JAZF1: variants seen among roughly 807,000 people sequenced by gnomAD.
The protein encoded by JAZF1 is JAZF zinc finger 1.
A neutral mutation model predicts 26.4 loss-of-function variants in JAZF1; 8 were observed. That is an observed-to-expected ratio of 0.30 (90% CI 0.18 to 0.55). The LOEUF (loss-of-function observed/expected upper bound fraction) is 0.55. Among genes scored for constraint, JAZF1 ranks in the 20% least tolerant of loss-of-function variants. The probability of loss-of-function intolerance (pLI) is 0.94; values close to 1 mark genes in which losing one functional copy is unlikely to be tolerated. For missense variants in JAZF1, 199 were observed against 322.0 expected, an observed-to-expected ratio of 0.62 and a Z score of 2.92; for synonymous variants, 126 against 122.3, an observed-to-expected ratio of 1.03 and a Z score of -0.20.
intron 1 of JAZF1, among the ~76,000 whole-genome samples, chr7:28,079,574 G>GT (rs1396857821): frequency 6.6e-6 from 1 of 152,140 alleles, no homozygotes; most frequent in Admixed American, 6.5e-5. Flanking sequence ...TGACCTGAGA[G>GT]TTTACCCATA....
chr7:27,944,725 T>C (rs1784900704), intron 2 of JAZF1, among the ~76,000 whole-genome samples: 2 of 152,204 alleles, frequency 1.3e-5, no homozygotes, highest in Non-Finnish European at 2.9e-5. Context: ...TGCTGCCACT[T>C]GCCTGAAGCT....
At chr7:27,865,774 T>G (rs1317152513) in intron 3 of JAZF1, among the ~76,000 whole-genome samples, 2 of 151,986 alleles carry the variant, frequency 1.3e-5, no homozygotes, top group Non-Finnish European at 2.9e-5. Flanking sequence ...AGGGCCCAAG[T>G]AGAAGGGAGC....
rs1444096194 is a variant in JAZF1 at position 27,976,311 on chromosome 7, C to T, written c.188+15598G>A. 1.4e-5 allele frequency among the ~76,000 whole-genome samples: 2 copies of T among 141,852 alleles called. 1 individual carries two copies. Among genetic ancestry groups the T allele is most frequent in the Admixed American group, 1.5e-4 (2 of 13,452 alleles). 93.1% of individuals were successfully genotyped at this position (141,852 alleles called of 152,430 possible). On this transcript the variant is annotated intron_variant, in intron 2 of 4. Coordinates refer to ENST00000283928, the MANE Select transcript of JAZF1 (RefSeq NM_175061.4). ...CAGTGAGCCGAGAAGCGCCACTGCA[C>T]TCCAGCCTGGGCAACAGAGCCAGAC...
intron 1 of JAZF1, among the ~76,000 whole-genome samples, chr7:28,149,450 G>A (rs1783075051): frequency 6.6e-6 from 1 of 152,018 alleles, no homozygotes. Context: ...GAAAGGCCTG[G>A]GTCAAACTCA....
At chr7:27,847,072 C>A (rs565930857) in intron 3 of JAZF1, among the ~76,000 whole-genome samples, 145 of 152,036 alleles carry the variant, frequency 9.5e-4, no homozygotes, top group African/African-American at 3.4e-3. Context: ...TGGGTTCAAG[C>A]GATTTTCCTG....
chr7:28,039,386 AAGTC>A (rs1783351104), intron 1 of JAZF1, among the ~76,000 whole-genome samples: 1 of 152,196 alleles, frequency 6.6e-6, no homozygotes, highest in Non-Finnish European at 1.5e-5. Context: ...GAAGAAGAAA[AAGTC>A]AGAAAGAAGT....
intron 1 of JAZF1, among the ~76,000 whole-genome samples, chr7:28,069,725 A>G (rs1403195245): frequency 6.6e-6 from 1 of 152,182 alleles, no homozygotes; most frequent in Non-Finnish European, 1.5e-5. Context: ...AGAGGCCTTT[A>G]GCTTTAGAGT....
chr7:27,972,211 C>T (rs1785385406), intron 2 of JAZF1, among the ~76,000 whole-genome samples: 1 of 152,154 alleles, frequency 6.6e-6, no homozygotes, highest in South Asian at 2.1e-4. Flanking sequence ...AGAGTAAGGG[C>T]ACAGAGAGGG....
At chr7:28,147,181 G>A (rs1783040817) in intron 1 of JAZF1, among the ~76,000 whole-genome samples, 1 of 151,798 alleles carries the variant, frequency 6.6e-6, no homozygotes, top group Non-Finnish European at 1.5e-5. Context: ...TGGGATATTT[G>A]CATTATACTT....
intron 1 of JAZF1, among the ~76,000 whole-genome samples, chr7:28,163,791 T>C (rs75627871): frequency 0.057 from 8,638 of 152,242 alleles, 746 homozygotes; most frequent in African/African-American, 0.19. Flanking sequence ...AAGAGTACCG[T>C]GGTCACTTTA....
intron 1 of JAZF1, among the ~76,000 whole-genome samples, chr7:27,994,454 A>AG (rs1271954603): frequency 2.9e-5 from 1 of 34,096 alleles, no homozygotes; most frequent in Non-Finnish European, 6.5e-5. Context: ...AAAAAAAAAA[A>AG]CAAAAAACAA....
In JAZF1 at chr7:27,897,868, G is replaced by A. The variant is rs556988069; in HGVS notation, c.189-2452C>T. 4.6e-5 allele frequency among the ~76,000 whole-genome samples: 7 copies of A among 152,292 alleles called. No individual in the cohort carries two copies. The East Asian group carries it at 1.4e-3, about 29-fold the overall frequency. ...CCTCCATCCTCTGAACAGACCCAGT[G>A]CCCTATGTGGCCCACGGTCATCTGT... On this transcript the variant is annotated intron_variant, in intron 2 of 4. Coordinates refer to ENST00000283928, the MANE Select transcript of JAZF1 (RefSeq NM_175061.4).
intron 3 of JAZF1, among the ~76,000 whole-genome samples, chr7:27,870,472 T>C (rs1313541701): frequency 6.6e-6 from 1 of 152,164 alleles, no homozygotes; most frequent in Non-Finnish European, 1.5e-5. Context: ...CATCAGTACA[T>C]ACTTTCTGAT....
intron 1 of JAZF1, among the ~76,000 whole-genome samples, chr7:28,011,134 C>A (rs1480942311): frequency 6.6e-6 from 1 of 152,038 alleles, no homozygotes; most frequent in Non-Finnish European, 1.5e-5. Context: ...CCAATTTTAG[C>A]GGGCAAAATA....
At chr7:28,150,439 A>C (rs1783094285) in intron 1 of JAZF1, among the ~76,000 whole-genome samples, 1 of 152,264 alleles carries the variant, frequency 6.6e-6, no homozygotes, top group Non-Finnish European at 1.5e-5. Flanking sequence ...TTTGTAAAAG[A>C]AACAACAGTT....
chr7:27,854,476 C>T (rs1783208221), intron 3 of JAZF1, among the ~76,000 whole-genome samples: 7 of 152,146 alleles, frequency 4.6e-5, no homozygotes, highest in South Asian at 2.1e-4. Flanking sequence ...ATGGTCTTTA[C>T]AATTTGGTAT....
At chr7:28,063,153 C>T (rs1005225595) in intron 1 of JAZF1, among the ~76,000 whole-genome samples, 1 of 152,186 alleles carries the variant, frequency 6.6e-6, no homozygotes, top group Admixed American at 6.5e-5. Context: ...TGTTCTTTCT[C>T]TCTTCCACAG....
intron 2 of JAZF1, among the ~76,000 whole-genome samples, chr7:27,950,788 G>C (rs1270746180): frequency 1.3e-5 from 2 of 152,092 alleles, no homozygotes; most frequent in South Asian, 2.1e-4. Flanking sequence ...ACATCGAGTA[G>C]TTGGTCACAG....
chr7:27,868,472 A>C (rs1206678220), intron 3 of JAZF1, among the ~76,000 whole-genome samples: 1 of 152,004 alleles, frequency 6.6e-6, no homozygotes, highest in Non-Finnish European at 1.5e-5. Context: ...GTTTCTCACC[A>C]TCCACTCTGA....
Sources: allele counts gnomAD v4.1 joint callset (sites outside exome capture counted in the v4.1 genomes callset), GRCh38; gene constraint gnomAD v4.1.1; transcripts MANE v1.5; gene names NCBI Gene and HGNC (gene_info 2026-07-23, HGNC 2026-07-21).